Variants in CDH8 observed in about 807,000 individuals in gnomAD.
CDH8 encodes the protein cadherin-8.
In CDH8, 17 loss-of-function variants were observed where a neutral mutation model predicts 68.1. The ratio of observed to expected loss-of-function variants is 0.25; its 90% CI spans 0.17 to 0.37. The LOEUF (loss-of-function observed/expected upper bound fraction) is 0.37, where lower values mean the gene tolerates loss of function less well. Ranked by LOEUF, CDH8 falls within the 10% of genes least tolerant of loss-of-function variation. CDH8 has a pLI of 1.00. For missense variants in CDH8, 763 were observed against 999.3 expected, an observed-to-expected ratio of 0.76 and a Z score of 3.19; for synonymous variants, 372 against 365.1, an observed-to-expected ratio of 1.02 and a Z score of -0.21.
At chr16:61,861,842 T>C (rs931689089) in intron 3 of CDH8, among the ~76,000 whole-genome samples, 3 of 152,184 alleles carry the variant, frequency 2.0e-5, no homozygotes, top group African/African-American at 2.4e-5. Context: ...TGGATTACTG[T>C]ATGCAAAGAG....
At chr16:61,811,646 C>A (rs758291667) in intron 7 of CDH8, among the ~76,000 whole-genome samples, 1 of 152,102 alleles carries the variant, frequency 6.6e-6, no homozygotes, top group African/African-American at 2.4e-5. Context: ...ACAACCTAAA[C>A]GTTCATTGAT....
At position 61,653,914 on chromosome 16, in the gene CDH8, C is replaced by G; in HGVS notation, c.2094G>C (p.Lys698Asn). The stretch of plus-strand genomic sequence containing the variant: ...TAAACTGCAAATCTGGTTTAATATC[C>G]TTACGGGGTAAAAATCCATTAATTC... ...PDGINGFLPR[K>N]DIKPDLQFMP... The change falls in exon 12 of 12, where the codon AAG becomes AAC. Residue 698 changes from lysine to asparagine, a missense_variant. Coordinates refer to ENST00000577390, the MANE Select transcript of CDH8 (RefSeq NM_001796.5). 6.2e-7 allele frequency: 1 copy of G among 1,614,178 alleles called. No homozygotes were observed. The highest frequency in any genetic ancestry group is 1.1e-5 in the South Asian group (1 of 91,084).
chr16:61,930,270 AACACACACACACACACACAC>A (rs369686237), intron 2 of CDH8, among the ~76,000 whole-genome samples: 1 of 144,258 alleles, frequency 6.9e-6, no homozygotes, highest in East Asian at 2.0e-4. Flanking sequence ...AAAGTTAGAA[AACACACACACACACACACAC>A]ACACACACAC....
intron 3 of CDH8, among the ~76,000 whole-genome samples, chr16:61,888,539 T>C (rs1363603712): frequency 2.6e-5 from 4 of 152,198 alleles, no homozygotes; most frequent in Non-Finnish European, 5.9e-5. Context: ...TCATCTGTGA[T>C]AAGATCATGA....
chr16:61,851,032 C>A (rs1039180549), intron 4 of CDH8, among the ~76,000 whole-genome samples: 1 of 152,008 alleles, frequency 6.6e-6, no homozygotes, highest in African/African-American at 2.4e-5. Context: ...AGTACCCACC[C>A]CTTCTGAAAT....
intron 7 of CDH8, among the ~76,000 whole-genome samples, chr16:61,803,165 C>T (rs1178357101): frequency 7.1e-5 from 6 of 84,422 alleles, no homozygotes; most frequent in Admixed American, 2.3e-4. Flanking sequence ...CAATATTCAA[C>T]ATTCTTAAAG....
intron 2 of CDH8, among the ~76,000 whole-genome samples, chr16:61,982,477 C>T (rs1268704802): frequency 6.6e-6 from 1 of 152,074 alleles, no homozygotes; most frequent in African/African-American, 2.4e-5. Context: ...CCTCGGCCTC[C>T]CATAGTGCTG....
intron 8 of CDH8, among the ~76,000 whole-genome samples, chr16:61,745,691 C>A (rs950377388): frequency 4.0e-5 from 6 of 150,300 alleles, no homozygotes; most frequent in Non-Finnish European, 8.9e-5. Flanking sequence ...AGCTTCAGAC[C>A]TTTTCTTTGA....
Position 61,647,537 on chromosome 16 carries a change from C to T in CDH8, c.*6071G>A, listed in dbSNP as rs1484870366. On this transcript the variant is annotated 3_prime_UTR_variant, in exon 12 of 12. Coordinates refer to ENST00000577390, the MANE Select transcript of CDH8 (RefSeq NM_001796.5). ...CTTAGAGCATAATTGTTAAAATCTTCCTCTTATTTGTGAGGGATCATAGGA... is the reference window on the plus strand; with the variant it reads ...CTTAGAGCATAATTGTTAAAATCTTTCTCTTATTTGTGAGGGATCATAGGA... 2 of 413,546 alleles carry T rather than the reference C, an allele frequency of 4.8e-6. No individual in the cohort carries two copies. The highest frequency in any genetic ancestry group is 8.6e-6 in the Non-Finnish European group (2 of 231,974). The allele number at this position is 413,546 out of a possible 1,614,324, so 25.6% of individuals were successfully genotyped here. A position where few individuals can be genotyped will look rare whatever the true frequency, so the allele number is the denominator to read the frequency against.
In CDH8 at chr16:61,653,692, ATTCTG is replaced by A; in HGVS notation, c.2311_2315del (p.Gln771PhefsTer2). The A allele has an allele frequency of 1.2e-6, 2 of 1,614,144 alleles. No homozygotes were observed. The highest frequency in any genetic ancestry group is 1.7e-6 in the Non-Finnish European group (2 of 1,180,024). ...GACCCCAGTCACTGAGGTAGTCAAA[ATTCTG>A]GTCTGAGTCTGATGTGGTGGACTCC... On this transcript the variant is annotated frameshift_variant, in exon 12 of 12. Transcript: ENST00000577390. LOFTEE classifies it high-confidence loss of function.
chr16:61,699,182 C>T lies in CDH8; in HGVS notation c.1654+14659G>A, dbSNP rs562880186. Among the ~76,000 whole-genome samples, 28 of 152,260 alleles carry T rather than the reference C, an allele frequency of 1.8e-4. No individual in the cohort carries two copies. In the East Asian group the frequency reaches 3.5e-3, roughly 19 times the overall value. ...TTCTGTACCATTTGCTCATTCTCATCGCCCTTCTGAGAAGAAAGGGTCCTG... is the reference window on the plus strand; with the variant it reads ...TTCTGTACCATTTGCTCATTCTCATTGCCCTTCTGAGAAGAAAGGGTCCTG... On this transcript the variant is annotated intron_variant, in intron 10 of 11. Transcript: ENST00000577390.
At chr16:61,707,248 CTATT>C (rs769434348) in intron 10 of CDH8, among the ~76,000 whole-genome samples, 3 of 152,118 alleles carry the variant, frequency 2.0e-5, no homozygotes, top group Admixed American at 1.3e-4. Flanking sequence ...GACAAGGAAA[CTATT>C]TATTATCACC....
intron 8 of CDH8, among the ~76,000 whole-genome samples, chr16:61,780,524 T>A (rs968345657): frequency 3.3e-5 from 5 of 152,254 alleles, no homozygotes; most frequent in African/African-American, 9.6e-5. Context: ...AAATCTTTTA[T>A]CTGATGAGAT....
chr16:61,825,643 T>A (rs1288984824), intron 4 of CDH8, among the ~76,000 whole-genome samples: 1 of 151,796 alleles, frequency 6.6e-6, no homozygotes, highest in African/African-American at 2.4e-5. Flanking sequence ...ATTTGAGAGA[T>A]GAAATAAATA....
intron 2 of CDH8, among the ~76,000 whole-genome samples, chr16:61,949,987 TAA>T (rs111704119): frequency 7.6e-5 from 11 of 143,870 alleles, no homozygotes; most frequent in African/African-American, 2.3e-4. Context: ...GACCCTGTCT[TAA>T]AAAAAAAAAA....
chr16:61,656,151 C>A (rs532387921), intron 10 of CDH8, among the ~76,000 whole-genome samples: 7 of 152,278 alleles, frequency 4.6e-5, no homozygotes, highest in African/African-American at 1.7e-4. Context: ...GGGGTACAGG[C>A]GTGAGCCACT....
intron 8 of CDH8, among the ~76,000 whole-genome samples, chr16:61,788,650 C>T (rs1239919197): frequency 6.6e-6 from 1 of 151,762 alleles, no homozygotes. Context: ...TGTTTAGAGA[C>T]TCCATTATAG....
At position 61,655,609 on chromosome 16, in the gene CDH8, A is replaced by G. The variant is rs2142739095; in HGVS notation, c.1767T>C (p.Thr589=). 2.5e-6 allele frequency: 4 copies of G among 1,614,178 alleles called. No homozygotes were observed. The highest frequency in any genetic ancestry group is 1.3e-5 in the African/African-American group (1 of 75,070). ...SDSGNPPLSS[T]STLTIRVCGC... ...CACAGACCCTGATTGTCAAGGTGCT[A>G]GTGCTGCTCAGTGGAGGATTTCCAC... The change falls in exon 11 of 12, where the codon ACT becomes ACC. Residue 589 remains threonine (T), a synonymous_variant. Coordinates refer to ENST00000577390, the MANE Select transcript of CDH8 (RefSeq NM_001796.5).
chr16:62,015,829 G>T (rs1472511067), intron 2 of CDH8, among the ~76,000 whole-genome samples: 1 of 152,156 alleles, frequency 6.6e-6, no homozygotes, highest in African/African-American at 2.4e-5. Flanking sequence ...CAAGAAGATT[G>T]CAGTCTACAA....
Sources: gnomAD v4.1 joint callset for allele counts (sites outside exome capture counted in the v4.1 genomes callset) on GRCh38, gnomAD v4.1.1 for gene constraint, MANE v1.5 for transcripts, NCBI Gene and HGNC (gene_info 2026-07-23, HGNC 2026-07-21) for gene names.